The following COL4A5 variants were observed in gnomAD, a reference collection of about 807,000 sequenced individuals.
COL4A5 encodes collagen alpha-5(IV) chain.
Under a neutral mutation model 130.2 loss-of-function variants are expected in COL4A5, and 26 were observed. The observed-to-expected ratio is 0.20, with a 90% CI of 0.15 to 0.28. COL4A5 has a LOEUF of 0.28. COL4A5 is among the 10% of genes least tolerant of loss of function. The probability of loss-of-function intolerance (pLI) is 1.00; values close to 1 mark genes in which losing one functional copy is unlikely to be tolerated. For synonymous variants in COL4A5, 496 were observed against 439.6 expected (o/e 1.13, Z -1.60); for missense variants, 1,131 against 1,344.3 (o/e 0.84, Z 2.48).
intron 1 of COL4A5, among the ~76,000 whole-genome samples, chrX:108,470,038 A>G (rs2064749311): frequency 8.9e-6 from 1 of 112,385 alleles, no homozygotes; most frequent in African/African-American, 3.2e-5. Context: ...TTCACCATCG[A>G]TGGGAATCTA....
intron 4 of COL4A5, among the ~76,000 whole-genome samples, chrX:108,564,777 CGT>C (rs1395361343): frequency 9.0e-6 from 1 of 111,450 alleles, no homozygotes; most frequent in Non-Finnish European, 1.9e-5. Flanking sequence ...AGCATGTTTA[CGT>C]GTGTGACAAA....
chrX:108,616,616 A>G (rs73528340), intron 30 of COL4A5, among the ~76,000 whole-genome samples: 10,290 of 111,189 alleles, frequency 0.093, 1,089 homozygotes, highest in African/African-American at 0.3. Flanking sequence ...CAAAAAGTGC[A>G]TGAGTCTTTA....
rs1009470842 is a variant in COL4A5, at chrX:108,667,201, A to T, written c.3604+18A>T. 4 of 1,167,948 alleles carry T rather than the reference A, an allele frequency of 3.4e-6. No homozygotes were observed. Among genetic ancestry groups the T allele is most frequent in the Non-Finnish European group, 4.7e-6 (4 of 855,540 alleles). On this transcript the variant is annotated intron_variant, in intron 40 of 52. Transcript: ENST00000328300. ...ACTTTCTGGTAAACCTTAATAAAACATGCTAAATCAATCTATAATAAAATG... is the reference window on the plus strand; with the variant it reads ...ACTTTCTGGTAAACCTTAATAAAACTTGCTAAATCAATCTATAATAAAATG...
chrX:108,469,155 TTCTC>T (rs1332697810), intron 1 of COL4A5, among the ~76,000 whole-genome samples: 27 of 87,963 alleles, frequency 3.1e-4, no homozygotes, highest in African/African-American at 8.3e-4. Context: ...TCATAGTATT[TTCTC>T]TCTCTCTCTC....
intron 1 of COL4A5, among the ~76,000 whole-genome samples, chrX:108,532,868 A>G (rs1333278653): frequency 8.9e-6 from 1 of 112,147 alleles, no homozygotes; most frequent in Non-Finnish European, 1.9e-5. Context: ...CCTACAAAAC[A>G]CTGTTGAAAG....
rs1251893269 is a variant in COL4A5, at chrX:108,445,207, A to T, written c.81+5001A>T. On this transcript the variant is annotated intron_variant, in intron 1 of 52. Coordinates refer to ENST00000328300, the MANE Select transcript of COL4A5 (RefSeq NM_033380.3). Reference sequence around the variant, plus strand: ...AAGGCCTATCATGATCTTTTCCCTTATCCAACCTTATTTTTCATTACAGTT... The same window carrying T: ...AAGGCCTATCATGATCTTTTCCCTTTTCCAACCTTATTTTTCATTACAGTT... Among the ~76,000 whole-genome samples, 4 of 110,973 alleles carry T rather than the reference A, an allele frequency of 3.6e-5. No individual in the cohort carries two copies. The East Asian group carries it at 1.1e-3, about 31-fold the overall frequency.
At chrX:108,600,297 T>G (rs918800249) in intron 25 of COL4A5, among the ~76,000 whole-genome samples, 2 of 112,030 alleles carry the variant, frequency 1.8e-5, no homozygotes, top group Non-Finnish European at 3.8e-5. Flanking sequence ...CCATTTTTAC[T>G]CTTTGTTTGG....
intron 1 of COL4A5, among the ~76,000 whole-genome samples, chrX:108,534,911 C>G (rs1196566517): frequency 9.1e-6 from 1 of 110,175 alleles, no homozygotes; most frequent in African/African-American, 3.3e-5. Context: ...GTCTTTATTC[C>G]CTCTCTCACC....
intron 1 of COL4A5, among the ~76,000 whole-genome samples, chrX:108,492,640 T>C (rs1188593505): frequency 9.0e-6 from 1 of 111,726 alleles, no homozygotes; most frequent in Non-Finnish European, 1.9e-5. Flanking sequence ...ACAAATCGAA[T>C]ATTGAGCACT....
chrX:108,651,326 G>A (rs947447044), intron 36 of COL4A5, among the ~76,000 whole-genome samples: 6 of 111,458 alleles, frequency 5.4e-5, no homozygotes, highest in African/African-American at 1.6e-4. Context: ...TGAATTGTAC[G>A]GTATATAAAT....
chrX:108,544,623 A>C (rs2065613924), intron 2 of COL4A5, among the ~76,000 whole-genome samples: 1 of 109,414 alleles, frequency 9.1e-6, no homozygotes, highest in African/African-American at 3.5e-5. Context: ...CTGGCCTCAT[A>C]AAATGAGTTA....
intron 27 of COL4A5, 47 bp from the exon 28 acceptor site, chrX:108,602,917 A>C (rs2066659442): frequency 1.1e-6 from 1 of 908,656 alleles, no homozygotes. Context: ...TATCTTTCTT[A>C]AAGTGCCTTT....
At chrX:108,440,292 T>C in intron 1 of COL4A5, 86 bp downstream of exon 1, 2 of 643,373 alleles carry the variant, frequency 3.1e-6, no homozygotes, top group Non-Finnish European at 5.0e-6. Flanking sequence ...TCCCTTTATC[T>C]TCCTTTTGGC....
chrX:108,603,067 G>T lies in COL4A5; in HGVS notation c.2244+6G>T, dbSNP rs774330725. On this transcript the variant is annotated splice_donor_region_variant and intron_variant, in intron 28 of 52. Coordinates refer to ENST00000328300, the MANE Select transcript of COL4A5 (RefSeq NM_033380.3). ...CCGGCTTTCCAGGACCAAAGGTCTG[G>T]GACATTTTTCTTTATTCCTTCTCAT... The T allele has an allele frequency of 1.5e-5, 17 of 1,112,889 alleles. No individual in the cohort carries two copies. The South Asian group carries it at 3.1e-4, about 20-fold the overall frequency. 91.7% of individuals were successfully genotyped at this position (1,112,889 alleles called of 1,213,427 possible).
At chrX:108,580,403 C>A in intron 13 of COL4A5, 130 bp from the exon 14 acceptor site, 1 of 595,936 alleles carries the variant, frequency 1.7e-6, no homozygotes, top group Non-Finnish European at 3.0e-6. Context: ...CCAGCTCTAA[C>A]CATGTTGCTC....
intron 29 of COL4A5, among the ~76,000 whole-genome samples, chrX:108,612,123 T>G (rs1482688386): frequency 1.8e-5 from 2 of 111,209 alleles, no homozygotes; most frequent in Admixed American, 9.6e-5. Flanking sequence ...TCTCAGAAAA[T>G]TAGGAATAAA....
chrX:108,441,696 C>A (rs1251915096), intron 1 of COL4A5, among the ~76,000 whole-genome samples: 3 of 111,930 alleles, frequency 2.7e-5, no homozygotes. Context: ...TGCAATTGTG[C>A]TGTTGAAAAT....
At chrX:108,543,503 G>T (rs908609993) in intron 2 of COL4A5, among the ~76,000 whole-genome samples, 5 of 111,362 alleles carry the variant, frequency 4.5e-5, no homozygotes, top group Non-Finnish European at 9.4e-5. Context: ...CTGTTTTGGT[G>T]ACTGTAGCCT....
chrX:108,502,527 T>C (rs1018117199), intron 1 of COL4A5, among the ~76,000 whole-genome samples: 5 of 111,318 alleles, frequency 4.5e-5, no homozygotes, highest in Non-Finnish European at 9.4e-5. Flanking sequence ...TCAGGTGATC[T>C]GCCTGCCTCG....
Sources: gnomAD v4.1 joint callset for allele counts (sites outside exome capture counted in the v4.1 genomes callset) on GRCh38, gnomAD v4.1.1 for gene constraint, MANE v1.5 for transcripts, NCBI Gene and HGNC (gene_info 2026-07-23, HGNC 2026-07-21) for gene names.